Variants in MAPK4 observed in about 807,000 individuals in gnomAD.
MAPK4 encodes Erk3-related.
In MAPK4, 22 loss-of-function variants were observed where a neutral mutation model predicts 47.7. The ratio of observed to expected loss-of-function variants is 0.46; its 90% confidence interval spans 0.33 to 0.66. The LOEUF (loss-of-function observed/expected upper bound fraction) is 0.66. MAPK4 is among the 30% of genes least tolerant of loss of function. The pLI, the probability that MAPK4 is intolerant of heterozygous loss-of-function variation, is 0.02. For synonymous variants in MAPK4, 390 were observed against 365.7 expected, an observed-to-expected ratio of 1.07 and a Z score of -0.76; for missense variants, 736 against 831.7, an observed-to-expected ratio of 0.88 and a Z score of 1.42.
intron 1 of MAPK4, among the ~76,000 whole-genome samples, chr18:50,651,745 C>T (rs1355367438): frequency 6.6e-6 from 1 of 152,160 alleles, no homozygotes; most frequent in Admixed American, 6.5e-5. Flanking sequence ...TCCTTGATAC[C>T]CCACACCACA....
At position 50,583,335 on chromosome 18, in the gene MAPK4, C is replaced by A. The variant is rs7237279; in HGVS notation, c.-871+23092C>A. 2.7e-4 allele frequency among the ~76,000 whole-genome samples: 41 copies of A among 152,134 alleles called. 1 individual carries two copies. Among genetic ancestry groups the A allele is most frequent in the Middle Eastern group, 3.4e-3 (1 of 294 alleles). On this transcript the variant is annotated intron_variant, in intron 1 of 5. Transcript: ENST00000400384. Reference sequence around the variant, plus strand: ...AGGTGCGGTGGCTCACGCCTGTAATCCTAGCACTTTGGGAGGCCAAGGTGA... The same window carrying A: ...AGGTGCGGTGGCTCACGCCTGTAATACTAGCACTTTGGGAGGCCAAGGTGA...
chr18:50,628,024 C>A (rs562737614), intron 1 of MAPK4, among the ~76,000 whole-genome samples: 1 of 152,288 alleles, frequency 6.6e-6, no homozygotes, highest in Non-Finnish European at 1.5e-5. Context: ...CAGGCCACCA[C>A]ACCCATTGGT....
chr18:50,670,683 G>A (rs1907890240), intron 2 of MAPK4, among the ~76,000 whole-genome samples: 1 of 151,622 alleles, frequency 6.6e-6, no homozygotes, highest in African/African-American at 2.4e-5. Context: ...CTTGAACTTG[G>A]GAGGTGGAGG....
At chr18:50,631,626 G>A (rs1042336629) in intron 1 of MAPK4, among the ~76,000 whole-genome samples, 2 of 152,112 alleles carry the variant, frequency 1.3e-5, no homozygotes, top group African/African-American at 4.8e-5. Flanking sequence ...AACTCATTTT[G>A]TACCAGCATC....
At chr18:50,714,920 G>A (rs1291545392) in intron 2 of MAPK4, among the ~76,000 whole-genome samples, 159 bp from the exon 3 acceptor site, 1 of 152,078 alleles carries the variant, frequency 6.6e-6, no homozygotes, top group East Asian at 1.9e-4. Context: ...CTAACCAGAC[G>A]TCTGTTCACT....
intron 2 of MAPK4, among the ~76,000 whole-genome samples, chr18:50,681,626 T>C (rs1598905129): frequency 6.6e-6 from 1 of 152,236 alleles, no homozygotes; most frequent in Admixed American, 6.5e-5. Flanking sequence ...TCCAACTTCA[T>C]TCTTTTGCAT....
intron 1 of MAPK4, among the ~76,000 whole-genome samples, chr18:50,646,660 G>A (rs2042992008): frequency 6.6e-6 from 1 of 152,196 alleles, no homozygotes; most frequent in Non-Finnish European, 1.5e-5. Context: ...AGATAATGAT[G>A]ACCCCCCTTG....
chr18:50,681,407 C>T (rs2144316492), intron 2 of MAPK4, among the ~76,000 whole-genome samples: 1 of 152,276 alleles, frequency 6.6e-6, no homozygotes, highest in South Asian at 2.1e-4. Flanking sequence ...CTTTGAAGCA[C>T]AGAAGTTTTT....
chr18:50,729,394 C>T lies in MAPK4; in HGVS notation c.1304C>T (p.Pro435Leu). The change falls in exon 6 of 6, where the codon CCG (proline) becomes CTG (leucine). Residue 435 changes from proline to leucine, a missense_variant. By Grantham distance (98) the Pro-to-Leu change is moderately conservative. This residue lies in a region of MAPK4 where 377 missense variants were observed against 378.6 expected (regional missense o/e 1.00). Transcript: ENST00000400384. ...TCCTGCGACTACAAGGTGGGGTCGC[C>T]GTCCTACCTGGACAAGCTGCTGTGG... ...GRSCDYKVGS[P>L]SYLDKLLWRD... 3 of 1,564,028 alleles carry T rather than the reference C, an allele frequency of 1.9e-6. No homozygotes were observed. The highest frequency in any genetic ancestry group is 1.3e-5 in the African/African-American group (1 of 74,232).
chr18:50,671,889 C>CAAAAAAA (rs745534670), intron 2 of MAPK4, among the ~76,000 whole-genome samples: 1 of 104,232 alleles, frequency 9.6e-6, no homozygotes, highest in Non-Finnish European at 2.0e-5. Flanking sequence ...GACCCTGACT[C>CAAAAAAA]AAAAAAAAAA....
At chr18:50,720,784 A>G (rs1179923563) in intron 3 of MAPK4, among the ~76,000 whole-genome samples, 1 of 152,114 alleles carries the variant, frequency 6.6e-6, no homozygotes, top group Non-Finnish European at 1.5e-5. Flanking sequence ...CCCTGAACTG[A>G]CCCAATGAGT....
At position 50,663,177 on chromosome 18, in the gene MAPK4, G is replaced by A. The variant is rs1179450722; in HGVS notation, c.-782G>A. On this transcript the variant is annotated 5_prime_UTR_variant, in exon 2 of 6. Transcript: ENST00000400384. The stretch of plus-strand genomic sequence containing the variant: ...GTCTTGGGCGAGGTGGCGTGGATGA[G>A]CTGGTGAAAGAGGATGCTGCCCACA... 6.6e-6 allele frequency: 1 copy of A among 152,276 alleles called. No homozygotes were observed. The highest frequency in any genetic ancestry group is 2.4e-5 in the African/African-American group (1 of 41,464). The allele number at this position is 152,276 out of a possible 1,614,324, so 9.4% of individuals were successfully genotyped here.
chr18:50,675,044 A>T (rs1206326708), intron 2 of MAPK4, among the ~76,000 whole-genome samples: 1 of 152,204 alleles, frequency 6.6e-6, no homozygotes, highest in Non-Finnish European at 1.5e-5. Context: ...CTAAGTGCTT[A>T]ATGGGTGTTA....
At chr18:50,615,616 C>T (rs773442519) in intron 1 of MAPK4, among the ~76,000 whole-genome samples, 1 of 152,154 alleles carries the variant, frequency 6.6e-6, no homozygotes, top group Non-Finnish European at 1.5e-5. Flanking sequence ...CCATGGGTGG[C>T]CTAGGGTCTA....
chr18:50,602,148 A>G (rs2042546647), intron 1 of MAPK4, among the ~76,000 whole-genome samples: 1 of 152,192 alleles, frequency 6.6e-6, no homozygotes, highest in Non-Finnish European at 1.5e-5. Flanking sequence ...TCCATAGACA[A>G]TGTAATTTGA....
chr18:50,675,358 C>T (rs1174229911), intron 2 of MAPK4, among the ~76,000 whole-genome samples: 2 of 151,626 alleles, frequency 1.3e-5, no homozygotes, highest in Non-Finnish European at 2.9e-5. Flanking sequence ...CTCTTGTAGC[C>T]CAGACTGGAG....
chr18:50,614,651 T>C (rs1335724905), intron 1 of MAPK4, among the ~76,000 whole-genome samples: 1 of 152,190 alleles, frequency 6.6e-6, no homozygotes, highest in African/African-American at 2.4e-5. Context: ...TTAAAAATTT[T>C]AAAAAATCAG....
Position 50,730,160 on chromosome 18 carries a change from G to A in MAPK4, c.*306G>A, listed in dbSNP as rs1425331494. 7.8e-6 allele frequency: 2 copies of A among 256,372 alleles called. No homozygotes were observed. Among genetic ancestry groups the A allele is most frequent in the African/African-American group, 2.2e-5 (1 of 45,176 alleles). 15.9% of individuals were successfully genotyped at this position (256,372 alleles called of 1,614,324 possible). ...ACAGCAGTCTGCGGGCCCCACCTGG[G>A]TGGCAGGATGCCGAGAAATCTTGCA... On this transcript the variant is annotated 3_prime_UTR_variant, in exon 6 of 6. Transcript: ENST00000400384.
chr18:50,619,381 A>G (rs891009124), intron 1 of MAPK4, among the ~76,000 whole-genome samples: 4 of 152,230 alleles, frequency 2.6e-5, no homozygotes, highest in African/African-American at 4.8e-5. Context: ...GTGATACCAC[A>G]TAGCTCACTG....
Sources: gnomAD v4.1 joint callset for allele counts (sites outside exome capture counted in the v4.1 genomes callset) on GRCh38, gnomAD v4.1.1 for gene constraint, gnomAD v4.1.1 regional missense constraint, MANE v1.5 for transcripts, NCBI Gene and HGNC (gene_info 2026-07-23, HGNC 2026-07-21) for gene names.